MOK: variants seen among roughly 807,000 people sequenced by gnomAD.
The protein encoded by MOK is MOK protein kinase.
A neutral mutation model predicts 54.2 loss-of-function variants in MOK; 59 were observed. The ratio of observed to expected loss-of-function variants is 1.09; its 90% CI spans 0.88 to 1.35. The LOEUF (loss-of-function observed/expected upper bound fraction) is 1.35. Among genes scored for constraint, MOK ranks in the 40% most tolerant of loss-of-function variants. MOK has a pLI of 0.00. For missense variants in MOK, 517 were observed against 526.2 expected (o/e 0.98, Z 0.17); for synonymous variants, 210 against 202.7 (o/e 1.04, Z -0.31).
At chr14:102,253,549 A>G (rs1472631911) in intron 4 of MOK, among the ~76,000 whole-genome samples, 1 of 152,238 alleles carries the variant, frequency 6.6e-6, no homozygotes, top group African/African-American at 2.4e-5. Flanking sequence ...AACTGCTTTC[A>G]GTCACAGTCC....
At chr14:102,303,950 A>G (rs1478358120) in intron 1 of MOK, among the ~76,000 whole-genome samples, 1 of 152,262 alleles carries the variant, frequency 6.6e-6, no homozygotes, top group Non-Finnish European at 1.5e-5. Context: ...AGTACAAAAT[A>G]TGTGCAGTAT....
chr14:102,286,590 G>A lies in MOK; in HGVS notation c.8-2998C>T, dbSNP rs567084567. ...CGCACTACTATACGCTAGCCTGGGC[G>A]ACAGAGGGAGACCCTGTCTAAAAGA... On this transcript the variant is annotated intron_variant, in intron 1 of 11. Coordinates refer to ENST00000361847, the MANE Select transcript of MOK (RefSeq NM_014226.3). Among the ~76,000 whole-genome samples, 6 of 152,136 alleles carry A rather than the reference G, an allele frequency of 3.9e-5. No individual in the cohort carries two copies. In the South Asian group the frequency reaches 8.3e-4, roughly 21 times the overall value.
chr14:102,234,109 T>A (rs751843897), intron 7 of MOK: 1 of 241,518 alleles, frequency 4.1e-6, no homozygotes, highest in Non-Finnish European at 8.0e-6. Context: ...GGTGGCAGGT[T>A]AATAAAAACT....
chr14:102,262,407 C>T (rs944573631), intron 4 of MOK, among the ~76,000 whole-genome samples: 3 of 152,220 alleles, frequency 2.0e-5, no homozygotes, highest in East Asian at 1.9e-4. Context: ...CCCGCACTGG[C>T]GTCCCTCCTA....
At chr14:102,222,548 G>A (rs1053330678), downstream of MOK, among the ~76,000 whole-genome samples, 2 of 152,198 alleles carry the variant, frequency 1.3e-5, no homozygotes, top group Admixed American at 1.3e-4. The surrounding 1 kb of genome is among the most constrained non-coding windows in gnomAD (Gnocchi z 4.4). Context: ...CAGGTGCTGA[G>A]AAACCACTGT....
intron 2 of MOK, among the ~76,000 whole-genome samples, chr14:102,272,317 A>G (rs1004207254): frequency 6.6e-6 from 1 of 152,012 alleles, no homozygotes; most frequent in Non-Finnish European, 1.5e-5. Context: ...GCAAAACCCC[A>G]TCTCTACTAA....
rs116749121 is a variant in MOK at position 102,292,623 on chromosome 14, C to A, written c.8-9031G>T. ...GATGTCTTTCTTCCTTCTGTGTGCACCTTGTCCTCCTGTTACAGAACTGCT... is the reference window on the plus strand; with the variant it reads ...GATGTCTTTCTTCCTTCTGTGTGCAACTTGTCCTCCTGTTACAGAACTGCT... On this transcript the variant is annotated intron_variant, in intron 1 of 11. Coordinates refer to ENST00000361847, the MANE Select transcript of MOK (RefSeq NM_014226.3). Among the ~76,000 whole-genome samples, 697 of 152,182 alleles carry A rather than the reference C, an allele frequency of 4.6e-3. 6 individuals are homozygous for A. The highest frequency in any genetic ancestry group is 0.016 in the African/African-American group (647 of 41,516).
downstream of MOK, chr14:102,222,820 T>C (rs1455584258): frequency 8.7e-6 from 14 of 1,614,028 alleles, no homozygotes; most frequent in African/African-American, 1.3e-5. The surrounding 1 kb of genome is among the most constrained non-coding windows in gnomAD (Gnocchi z 4.4). Flanking sequence ...GTAGACTGCT[T>C]TGTTTGCAGG....
chr14:102,283,163 G>C (rs1160856925), intron 2 of MOK: 2 of 187,370 alleles, frequency 1.1e-5, no homozygotes, highest in Non-Finnish European at 2.1e-5. Context: ...TTTTTTTGCT[G>C]TTTTTTTTAA....
downstream of MOK, chr14:102,224,999 A>C (rs552107513): frequency 2.2e-4 from 78 of 351,186 alleles, no homozygotes; most frequent in Non-Finnish European, 3.9e-4. Context: ...GAGGGCCCAA[A>C]ACAGCTACAG....
At chr14:102,300,844 C>A (rs1002937944) in intron 1 of MOK, among the ~76,000 whole-genome samples, 3 of 152,162 alleles carry the variant, frequency 2.0e-5, no homozygotes, top group African/African-American at 7.2e-5. Flanking sequence ...CACCTGTAAT[C>A]TCAGCATTTT....
At chr14:102,273,015 C>G (rs2068512231) in intron 2 of MOK, among the ~76,000 whole-genome samples, 2 of 151,932 alleles carry the variant, frequency 1.3e-5, no homozygotes, top group Admixed American at 1.3e-4. Flanking sequence ...ACTTAAAATA[C>G]AAAAATTCGC....
intron 2 of MOK, among the ~76,000 whole-genome samples, chr14:102,281,906 G>A (rs903837017): frequency 7.2e-5 from 11 of 152,218 alleles, no homozygotes; most frequent in African/African-American, 2.7e-4. Context: ...AGAACACCTG[G>A]TGGCTTCAGT....
In MOK at chr14:102,250,787, AGGCAGG is replaced by A. The variant is rs1597365523; in HGVS notation, c.590+19_590+24del. ...GCTGCACCGCTCCGCCGCAGGAACC[AGGCAGG>A]AGCCTGGCCTGGTGCTACCTGGCGA... On this transcript the variant is annotated intron_variant, in intron 7 of 11. Transcript: ENST00000361847. The A allele has an allele frequency of 1.9e-6, 3 of 1,607,108 alleles. No individual in the cohort carries two copies. In the East Asian group the frequency reaches 6.7e-5, roughly 36 times the overall value.
At chr14:102,268,441 G>A (rs1195518987) in intron 2 of MOK, among the ~76,000 whole-genome samples, 1 of 151,782 alleles carries the variant, frequency 6.6e-6, no homozygotes, top group Non-Finnish European at 1.5e-5. Flanking sequence ...GTTGAATTTT[G>A]TTGTCAGGTG....
chr14:102,217,738 G>A, the MOK span, among the ~76,000 whole-genome samples: 2 of 152,252 alleles, frequency 1.3e-5, no homozygotes, highest in East Asian at 3.8e-4. Flanking sequence ...TGTGGTCTGT[G>A]TAGTGAGAAT....
Position 102,238,502 on chromosome 14 carries a change from T to TA in MOK, c.591-4714dup, listed in dbSNP as rs1317349246. ...GTTGGGGACATCACACAGGAACAGA[T>TA]AAAATCTCAAGAGGCAACAGAAAGA... On this transcript the variant is annotated intron_variant, in intron 7 of 11. Coordinates refer to ENST00000361847, the MANE Select transcript of MOK (RefSeq NM_014226.3). This position sits in a 1 kb window ranked among gnomAD's most constrained non-coding sequence, Gnocchi z 4.8. 2.0e-5 allele frequency: 3 copies of TA among 152,082 alleles called. No individual in the cohort carries two copies. The highest frequency in any genetic ancestry group is 7.2e-5 in the African/African-American group (3 of 41,388). 9.4% of individuals were successfully genotyped at this position (152,082 alleles called of 1,614,324 possible).
intron 7 of MOK, among the ~76,000 whole-genome samples, chr14:102,244,212 G>A (rs1421249683): frequency 6.6e-6 from 1 of 152,214 alleles, no homozygotes; most frequent in East Asian, 1.9e-4. Context: ...ATGCTGATAA[G>A]GTAGCTAAAG....
chr14:102,242,831 C>T (rs1597325576), intron 7 of MOK, among the ~76,000 whole-genome samples: 2 of 152,224 alleles, frequency 1.3e-5, no homozygotes, highest in East Asian at 3.9e-4. Flanking sequence ...ATACCTCCCT[C>T]CACAACCCCT....
Sources: allele counts gnomAD v4.1 joint callset (sites outside exome capture counted in the v4.1 genomes callset), GRCh38; gene constraint gnomAD v4.1.1; non-coding constraint Gnocchi (gnomAD v3.1); transcripts MANE v1.5; gene names NCBI Gene and HGNC (gene_info 2026-07-23, HGNC 2026-07-21).